Variants in ZNF251 observed in about 807,000 individuals in gnomAD.
The protein encoded by ZNF251 is zinc finger protein 251.
Under a neutral mutation model 13.5 loss-of-function variants are expected in ZNF251, and 14 were observed. The ratio of observed to expected loss-of-function variants is 1.04; its 90% CI spans 0.69 to 1.63. The LOEUF (loss-of-function observed/expected upper bound fraction) is 1.63, where lower values mean the gene tolerates loss of function less well. Among genes scored for constraint, ZNF251 ranks in the 40% most tolerant of loss-of-function variants. The probability of loss-of-function intolerance (pLI) is 0.00; values close to 1 mark genes in which losing one functional copy is unlikely to be tolerated. For missense variants in ZNF251, 764 were observed against 834.9 expected, an observed-to-expected ratio of 0.92 and a Z score of 1.05; for synonymous variants, 287 against 295.2, an observed-to-expected ratio of 0.97 and a Z score of 0.28.
intron 4 of ZNF251, among the ~76,000 whole-genome samples, chr8:144,732,627 A>G (rs898171175): frequency 2.0e-5 from 3 of 151,708 alleles, no homozygotes; most frequent in East Asian, 2.0e-4. Context: ...CCTGGCCAAC[A>G]CGGTGAAACC....
intron 4 of ZNF251, among the ~76,000 whole-genome samples, chr8:144,736,431 C>A (rs1333176979): frequency 1.3e-5 from 2 of 151,960 alleles, no homozygotes; most frequent in Non-Finnish European, 2.9e-5. Context: ...CACGAACAAA[C>A]CCTCGGGAGT....
chr8:144,724,754 G>C (rs1361227552), intron 4 of ZNF251, among the ~76,000 whole-genome samples: 2 of 152,130 alleles, frequency 1.3e-5, no homozygotes, highest in Non-Finnish European at 1.5e-5. Flanking sequence ...TATTATAATA[G>C]AAAGATATAT....
intron 4 of ZNF251, among the ~76,000 whole-genome samples, chr8:144,732,579 A>G (rs12675973): frequency 0.11 from 15,882 of 150,504 alleles, 1,621 homozygotes; most frequent in East Asian, 0.52. Context: ...TGGGGAGGCC[A>G]AGGCGGGGGA....
rs773749615 is a variant in ZNF251 at position 144,723,330 on chromosome 8, G to A, written c.330C>T (p.Ser110=). Residue 110 remains serine (S), a synonymous_variant, in exon 5 of 5, where the codon TCC becomes TCT. Coordinates refer to ENST00000292562, the MANE Select transcript of ZNF251 (RefSeq NM_138367.2). ...KELSILNQKF[S]EEVKTPEFVS... ...CAAATTCTGGGGTTTTTACTTCTTC[G>A]GAAAATTTTTGGTTTAAAATAGATA... 20 of 1,539,654 alleles carry A rather than the reference G, an allele frequency of 1.3e-5. No individual in the cohort carries two copies. The African/African-American group carries it at 1.5e-4, about 12-fold the overall frequency.
At chr8:144,728,170 G>A (rs780796027) in intron 4 of ZNF251, among the ~76,000 whole-genome samples, 1 of 152,028 alleles carries the variant, frequency 6.6e-6, no homozygotes, top group African/African-American at 2.4e-5. Flanking sequence ...GCCTAGTTTC[G>A]ATATTGCTGA....
At chr8:144,750,539 T>A (rs2130089369) in intron 4 of ZNF251, among the ~76,000 whole-genome samples, 1 of 152,312 alleles carries the variant, frequency 6.6e-6, no homozygotes, top group South Asian at 2.1e-4. Context: ...CAGGTCTTGT[T>A]AAGAACAGAA....
chr8:144,738,576 T>A (rs1824007962), intron 4 of ZNF251: 1 of 985,310 alleles, frequency 1.0e-6, no homozygotes, highest in African/African-American at 1.7e-5. Context: ...GGAGGACCAA[T>A]CAGTCAAATT....
At chr8:144,728,679 AG>A (rs1424539460) in intron 4 of ZNF251, among the ~76,000 whole-genome samples, 1 of 150,968 alleles carries the variant, frequency 6.6e-6, no homozygotes, top group Admixed American at 6.6e-5. Flanking sequence ...AAAAAAAAAA[AG>A]GTTTGAAATA....
chr8:144,729,628 A>G (rs989750215), intron 4 of ZNF251, among the ~76,000 whole-genome samples: 8 of 151,530 alleles, frequency 5.3e-5, no homozygotes, highest in African/African-American at 1.7e-4. Context: ...GAGCTACCGC[A>G]CCCGGCCTAA....
At chr8:144,725,262 G>A (rs372082504) in intron 4 of ZNF251, among the ~76,000 whole-genome samples, 21 of 152,210 alleles carry the variant, frequency 1.4e-4, no homozygotes, top group Admixed American at 3.9e-4. Context: ...CAATCCGTCC[G>A]CCTCGGCCTC....
At chr8:144,728,011 GA>G (rs1823568529) in intron 4 of ZNF251, among the ~76,000 whole-genome samples, 2 of 152,250 alleles carry the variant, frequency 1.3e-5, no homozygotes, top group African/African-American at 4.8e-5. Flanking sequence ...TTAGCTAACA[GA>G]CGCAAAAGGC....
Position 144,754,324 on chromosome 8 carries a change from G to C in ZNF251, c.34-3C>G, listed in dbSNP as rs373947811. 5 of 1,604,400 alleles carry C rather than the reference G, an allele frequency of 3.1e-6. No individual in the cohort carries two copies. Among genetic ancestry groups the C allele is most frequent in the Non-Finnish European group, 4.3e-6 (5 of 1,175,402 alleles). ...TCCTGGAAGGTCAGCGGCATCTCCT[G>C]CAACAAAACATCGCCGCTGCCCAGG... On this transcript the variant is annotated splice_polypyrimidine_tract_variant and splice_region_variant and intron_variant, in intron 2 of 4. Transcript: ENST00000292562.
Position 144,722,295 on chromosome 8 carries a change from G to A in ZNF251, c.1365C>T (p.His455=). The A allele has an allele frequency of 1.2e-6, 2 of 1,614,028 alleles. No individual in the cohort carries two copies. Among genetic ancestry groups the A allele is most frequent in the Non-Finnish European group, 1.7e-6 (2 of 1,179,906 alleles). ...SSTLVQHRRV[H]TGEKPYQCVE... The stretch of plus-strand genomic sequence containing the variant: ...CGCACTGGTAGGGCTTCTCCCCAGT[G>A]TGAACTCTTCGATGCTGAACAAGAG... The change falls in exon 5 of 5, where the codon CAC becomes CAT. Residue 455 remains histidine (H), a synonymous_variant. Coordinates refer to ENST00000292562, the MANE Select transcript of ZNF251 (RefSeq NM_138367.2). The surrounding 1 kb of genome is among the most constrained non-coding windows in gnomAD (Gnocchi z 4.8).
intron 4 of ZNF251, among the ~76,000 whole-genome samples, chr8:144,746,312 A>C (rs908600685): frequency 1.3e-5 from 2 of 152,240 alleles, no homozygotes; most frequent in African/African-American, 4.8e-5. Context: ...CTAATGTTGG[A>C]CCAGCCTTGT....
At chr8:144,731,624 T>C (rs1030299183) in intron 4 of ZNF251, among the ~76,000 whole-genome samples, 1 of 152,270 alleles carries the variant, frequency 6.6e-6, no homozygotes, top group Non-Finnish European at 1.5e-5. Context: ...TCTTGCTCTA[T>C]TGCCCAGGCT....
intron 2 of ZNF251, 34 bp from the exon 3 acceptor site, chr8:144,754,355 C>CTGTGGTTT: frequency 6.4e-7 from 1 of 1,562,074 alleles, no homozygotes; most frequent in Admixed American, 1.9e-5. Context: ...CCAGGCCATG[C>CTGTGGTTT]CCACGGGGCA....
chr8:144,723,068 TAAC>T lies in ZNF251; in HGVS notation c.589_591del (p.Val197del). 1 of 1,614,078 alleles carries T rather than the reference TAAC, an allele frequency of 6.2e-7. No individual in the cohort carries two copies. The highest frequency in any genetic ancestry group is 8.5e-7 in the Non-Finnish European group (1 of 1,179,910). On this transcript the variant is annotated inframe_deletion, in exon 5 of 5. Coordinates refer to ENST00000292562, the MANE Select transcript of ZNF251 (RefSeq NM_138367.2). ...TCTCCTGTTTTATTTCTTTGAAGTC[TAAC>T]AACATTTTGGTCCAGATTCAAGTTT...
chr8:144,754,171 G>C, intron 3 of ZNF251, 21 bp downstream of exon 3: 2 of 1,605,460 alleles, frequency 1.2e-6, no homozygotes, highest in Non-Finnish European at 1.7e-6. Context: ...TGCGAACCAG[G>C]CCAAGTGCAG....
At position 144,754,760 on chromosome 8, in the gene ZNF251, AGAAGACAGGAGACT is replaced by A; in HGVS notation, c.-46_-33del. On this transcript the variant is annotated 5_prime_UTR_variant, in exon 2 of 5. Transcript: ENST00000292562. ...TGCATGGGCTGCTGTGGTTTCCAAG[AGAAGACAGGAGACT>A]GCCCTGGCCTGAAGTCTCCCCGAAC... 6.2e-7 allele frequency: 1 copy of A among 1,609,128 alleles called. No homozygotes were observed. The highest frequency in any genetic ancestry group is 2.2e-5 in the East Asian group (1 of 44,766).
Sources: allele counts gnomAD v4.1 joint callset (sites outside exome capture counted in the v4.1 genomes callset), GRCh38; gene constraint gnomAD v4.1.1; non-coding constraint Gnocchi (gnomAD v3.1); transcripts MANE v1.5; gene names NCBI Gene and HGNC (gene_info 2026-07-23, HGNC 2026-07-21).